The following ANO6 variants were observed in gnomAD, a reference collection of about 807,000 sequenced individuals.
The protein encoded by ANO6 is anoctamin 6.
A neutral mutation model predicts 117.5 loss-of-function variants in ANO6; 106 were observed. The ratio of observed to expected loss-of-function variants is 0.90; its 90% CI spans 0.77 to 1.06. The LOEUF (loss-of-function observed/expected upper bound fraction) is 1.06. Among genes scored for constraint, ANO6 ranks in the 50% least tolerant of loss-of-function variants. ANO6 has a pLI of 0.00. For synonymous variants in ANO6, 367 were observed against 385.1 expected, an observed-to-expected ratio of 0.95 and a Z score of 0.55; for missense variants, 955 against 1,121.1, an observed-to-expected ratio of 0.85 and a Z score of 2.12.
chr12:45,278,674 A>C (rs1007994568), intron 1 of ANO6, among the ~76,000 whole-genome samples: 4 of 151,748 alleles, frequency 2.6e-5, no homozygotes, highest in Non-Finnish European at 2.9e-5. Flanking sequence ...TGTTTGTTTT[A>C]AGCGTCTTTT....
rs755508330 is a variant in ANO6, at chr12:45,422,972, A to G, written c.2436A>G (p.Arg812=). 1 of 1,613,354 alleles carries G rather than the reference A, an allele frequency of 6.2e-7. No individual in the cohort carries two copies. ...NHTTCRYRDF[R]YPPGHPQEYK... ...TTGTTTTCAGGTATCGTGATTTCCGATACCCACCTGGACACCCCCAGGAGT... is the reference window on the plus strand; with the variant it reads ...TTGTTTTCAGGTATCGTGATTTCCGGTACCCACCTGGACACCCCCAGGAGT... Residue 812 remains arginine (R), a synonymous_variant, in exon 19 of 20, where the codon CGA becomes CGG. Coordinates refer to ENST00000320560, the MANE Select transcript of ANO6 (RefSeq NM_001025356.3).
At chr12:45,363,676 C>T (rs533207361) in intron 8 of ANO6, among the ~76,000 whole-genome samples, 99 of 152,180 alleles carry the variant, frequency 6.5e-4, no homozygotes, top group African/African-American at 2.4e-3. Context: ...TCCCATAATT[C>T]CCACATGTTG....
At chr12:45,433,128 C>T (rs1455697278), downstream of ANO6, among the ~76,000 whole-genome samples, 1 of 152,180 alleles carries the variant, frequency 6.6e-6, no homozygotes, top group Non-Finnish European at 1.5e-5. Context: ...CAGAGAAAGC[C>T]AAATATGCCC....
At chr12:45,355,930 C>T (rs559474000) in intron 7 of ANO6, among the ~76,000 whole-genome samples, 80 of 152,292 alleles carry the variant, frequency 5.3e-4, no homozygotes, top group African/African-American at 1.7e-3. Context: ...TGAAGTCTCA[C>T]GTAGGCCTCA....
intron 12 of ANO6, 28 bp from the exon 13 acceptor site, chr12:45,401,767 C>T: frequency 3.8e-6 from 6 of 1,576,008 alleles, no homozygotes; most frequent in Non-Finnish European, 5.2e-6. Context: ...TGGTGAGTCT[C>T]ATGCTACTGT....
intron 1 of ANO6, among the ~76,000 whole-genome samples, chr12:45,275,768 C>T (rs118020802): frequency 0.014 from 2,105 of 152,280 alleles, 19 homozygotes; most frequent in Non-Finnish European, 0.021. Flanking sequence ...CTTCCCCCTT[C>T]CCTACTGGCC....
chr12:45,242,323 G>A (rs1253423494), intron 1 of ANO6, among the ~76,000 whole-genome samples: 1 of 152,228 alleles, frequency 6.6e-6, no homozygotes, highest in African/African-American at 2.4e-5. Flanking sequence ...CTCGCAGGTC[G>A]ATCTCAGACT....
At position 45,363,922 on chromosome 12, in the gene ANO6, A is replaced by G. The variant is rs117018961; in HGVS notation, c.999-3766A>G. 2.5e-3 allele frequency among the ~76,000 whole-genome samples: 377 copies of G among 152,306 alleles called. 12 individuals carry two copies. In the South Asian group the frequency reaches 0.053, roughly 22 times the overall value. Reference sequence around the variant, plus strand: ...GAGTCCATTAAACCTCTTTTTCTTTATAAATGAACTAGTCTCAGGTATGTC... The same window carrying G: ...GAGTCCATTAAACCTCTTTTTCTTTGTAAATGAACTAGTCTCAGGTATGTC... On this transcript the variant is annotated intron_variant, in intron 8 of 19. Transcript: ENST00000320560.
intron 9 of ANO6, among the ~76,000 whole-genome samples, chr12:45,372,563 T>C (rs1193445165): frequency 6.9e-6 from 1 of 144,164 alleles, no homozygotes. Context: ...TATTCAACAT[T>C]CTTAAAGAAA....
chr12:45,253,189 C>A (rs960601823), intron 1 of ANO6, among the ~76,000 whole-genome samples: 1 of 152,126 alleles, frequency 6.6e-6, no homozygotes, highest in African/African-American at 2.4e-5. Flanking sequence ...TATTTAATAT[C>A]ATGTTTGTTT....
chr12:45,403,639 GTC>G (rs1942858583), intron 15 of ANO6, 103 bp downstream of exon 15: 6 of 931,574 alleles, frequency 6.4e-6, no homozygotes, highest in Non-Finnish European at 1.0e-5. Flanking sequence ...ATAGCTGCAT[GTC>G]CACCTCTAAA....
At chr12:45,364,633 C>CT (rs1941638513) in intron 8 of ANO6, among the ~76,000 whole-genome samples, 1 of 152,064 alleles carries the variant, frequency 6.6e-6, no homozygotes, top group Non-Finnish European at 1.5e-5. Flanking sequence ...CTAATTGGTT[C>CT]TTTTTAATAA....
intron 9 of ANO6, among the ~76,000 whole-genome samples, chr12:45,375,514 T>C (rs1435493515): frequency 1.3e-5 from 2 of 152,184 alleles, no homozygotes; most frequent in African/African-American, 4.8e-5. Context: ...GAGATATAGA[T>C]CAATGGAACA....
At chr12:45,336,007 T>A (rs892775318) in intron 3 of ANO6, among the ~76,000 whole-genome samples, 4 of 152,062 alleles carry the variant, frequency 2.6e-5, no homozygotes, top group African/African-American at 9.7e-5. Context: ...GTGCAATGGC[T>A]ATGACCTCTT....
chr12:45,366,934 G>A (rs531366558), intron 8 of ANO6, among the ~76,000 whole-genome samples: 1 of 152,166 alleles, frequency 6.6e-6, no homozygotes, highest in East Asian at 1.9e-4. Flanking sequence ...TGTGTATTTT[G>A]TATATTGATT....
intron 2 of ANO6, among the ~76,000 whole-genome samples, chr12:45,328,349 C>T (rs1488261835): frequency 1.3e-5 from 2 of 152,088 alleles, no homozygotes; most frequent in African/African-American, 4.8e-5. Flanking sequence ...GCCTTCCATA[C>T]CTGCAGTTCT....
chr12:45,438,910 C>T (rs748360793), intron 19 of ANO6, among the ~76,000 whole-genome samples: 3 of 150,936 alleles, frequency 2.0e-5, no homozygotes, highest in Non-Finnish European at 4.4e-5. Flanking sequence ...ATTTATAGCA[C>T]ACTTGGAAAA....
chr12:45,347,911 A>T, intron 4 of ANO6, 117 bp from the exon 5 acceptor site: 2 of 947,964 alleles, frequency 2.1e-6, no homozygotes, highest in Non-Finnish European at 3.2e-6. Flanking sequence ...CTTCACTTTT[A>T]GTGGTGGTCT....
At chr12:45,276,543 T>C (rs58615264) in intron 1 of ANO6, among the ~76,000 whole-genome samples, 1,628 of 152,258 alleles carry the variant, frequency 0.011, 29 homozygotes, top group African/African-American at 0.037. Flanking sequence ...TCATACTTCA[T>C]GTCTCAAATA....
Sources: allele counts gnomAD v4.1 joint callset (sites outside exome capture counted in the v4.1 genomes callset), GRCh38; gene constraint gnomAD v4.1.1; transcripts MANE v1.5; gene names NCBI Gene and HGNC (gene_info 2026-07-23, HGNC 2026-07-21).